Variants in MOB3B observed in about 807,000 individuals in gnomAD.
MOB3B encodes the protein MOB kinase activator 3B, also known as MOB kinase activator-like 2B.
In MOB3B, 7 loss-of-function variants were observed where a neutral mutation model predicts 18.7. The ratio of observed to expected loss-of-function variants is 0.37; its 90% CI spans 0.21 to 0.70. MOB3B has a LOEUF of 0.70. MOB3B is among the 30% of genes least tolerant of loss of function. MOB3B has a pLI of 0.52. For synonymous variants in MOB3B, 111 were observed against 99.9 expected (o/e 1.11, Z -0.66); for missense variants, 253 against 281.3 (o/e 0.90, Z 0.72).
At chr9:27,344,123 T>C (rs1317971965) in intron 3 of MOB3B, among the ~76,000 whole-genome samples, 1 of 152,024 alleles carries the variant, frequency 6.6e-6, no homozygotes, top group African/African-American at 2.4e-5. Context: ...AAAACATAGC[T>C]ATCCATTTTA....
chr9:27,411,239 G>A (rs1442484627), intron 2 of MOB3B, among the ~76,000 whole-genome samples: 2 of 152,198 alleles, frequency 1.3e-5, no homozygotes, highest in Non-Finnish European at 2.9e-5. Flanking sequence ...TCTGAAATCT[G>A]TACCTGAGAA....
At chr9:27,524,113 A>G (rs1166580754) in intron 1 of MOB3B, among the ~76,000 whole-genome samples, 1 of 148,470 alleles carries the variant, frequency 6.7e-6, no homozygotes, top group African/African-American at 2.5e-5. Flanking sequence ...GGAAAAAAAA[A>G]AGTTATCACT....
chr9:27,425,688 AC>A (rs927398058), intron 2 of MOB3B, among the ~76,000 whole-genome samples: 28 of 152,200 alleles, frequency 1.8e-4, no homozygotes, highest in Non-Finnish European at 3.8e-4. Context: ...TATATTTATA[AC>A]CCAAAGTCCA....
intron 2 of MOB3B, among the ~76,000 whole-genome samples, chr9:27,367,083 C>T (rs1014426871): frequency 1.3e-5 from 2 of 152,174 alleles, no homozygotes; most frequent in African/African-American, 2.4e-5. Context: ...TCCTTAGTGA[C>T]GTCTCCTTAG....
chr9:27,366,320 G>A (rs1231403000), intron 2 of MOB3B, among the ~76,000 whole-genome samples: 1 of 152,084 alleles, frequency 6.6e-6, no homozygotes, highest in Non-Finnish European at 1.5e-5. Flanking sequence ...TTTCATCTCT[G>A]CCTTAGGAAA....
chr9:27,511,472 A>G (rs771648559), intron 1 of MOB3B, among the ~76,000 whole-genome samples: 1 of 152,208 alleles, frequency 6.6e-6, no homozygotes, highest in Non-Finnish European at 1.5e-5. Context: ...TGCCCAGTTC[A>G]GCATCAGCTG....
chr9:27,430,262 G>A (rs1440432131), intron 2 of MOB3B, among the ~76,000 whole-genome samples: 1 of 152,168 alleles, frequency 6.6e-6, no homozygotes, highest in African/African-American at 2.4e-5. Flanking sequence ...TTCCTGTGCT[G>A]CAGGGATGGT....
chr9:27,384,077 G>T (rs116955125), intron 2 of MOB3B, among the ~76,000 whole-genome samples: 3,198 of 152,156 alleles, frequency 0.021, 51 homozygotes, highest in Non-Finnish European at 0.034. Context: ...CTTAGCCACA[G>T]AATCCTTTTC....
At chr9:27,414,365 C>A (rs1297646245) in intron 2 of MOB3B, among the ~76,000 whole-genome samples, 1 of 152,144 alleles carries the variant, frequency 6.6e-6, no homozygotes, top group African/African-American at 2.4e-5. Flanking sequence ...GCTGTGAACC[C>A]GGGGGGCTCG....
chr9:27,483,366 TTG>T (rs1819691059), intron 1 of MOB3B, among the ~76,000 whole-genome samples: 1 of 152,064 alleles, frequency 6.6e-6, no homozygotes, highest in South Asian at 2.1e-4. Context: ...TCTCCTGACT[TTG>T]TGATCCGCCC....
In MOB3B at chr9:27,328,668, C is replaced by G. The variant is rs542210357; in HGVS notation, c.*1919G>C. On this transcript the variant is annotated 3_prime_UTR_variant, in exon 4 of 4. Transcript: ENST00000262244. ...AAATCCTGTGGCGTTCCATGATGCA[C>G]AGCTACAGAGTTCCTCCAGGGCATG... 6 of 152,324 alleles carry G rather than the reference C, an allele frequency of 3.9e-5. No individual in the cohort carries two copies. In the South Asian group the frequency reaches 1.2e-3, roughly 32 times the overall value. 9.4% of individuals were successfully genotyped at this position (152,324 alleles called of 1,614,324 possible).
At chr9:27,509,617 A>G (rs945913498) in intron 1 of MOB3B, among the ~76,000 whole-genome samples, 3 of 151,368 alleles carry the variant, frequency 2.0e-5, no homozygotes, top group Non-Finnish European at 2.9e-5. Context: ...AGTTTTCACC[A>G]TGTTGTCCAG....
chr9:27,362,481 A>G (rs1339136518), intron 2 of MOB3B, among the ~76,000 whole-genome samples: 2 of 152,064 alleles, frequency 1.3e-5, no homozygotes, highest in Non-Finnish European at 2.9e-5. Context: ...ATTATTTCCC[A>G]CCTGAACTCC....
At chr9:27,455,831 G>C (rs1177620907) in intron 1 of MOB3B, 83 bp from the exon 2 acceptor site, 2 of 1,308,616 alleles carry the variant, frequency 1.5e-6, no homozygotes, top group Admixed American at 3.4e-5. Context: ...TTTCCACCTT[G>C]TGTTCTTGGC....
intron 2 of MOB3B, among the ~76,000 whole-genome samples, chr9:27,440,280 T>TG (rs1427075892): frequency 1.3e-5 from 2 of 152,184 alleles, no homozygotes; most frequent in African/African-American, 4.8e-5. Context: ...GCCCTTGTCA[T>TG]GGGGCTCAGT....
At chr9:27,426,072 T>C (rs4879484) in intron 2 of MOB3B, among the ~76,000 whole-genome samples, 7,613 of 152,224 alleles carry the variant, frequency 0.05, 525 homozygotes, top group African/African-American at 0.16. Context: ...CCTTTAAATA[T>C]ATGGTTTCAT....
chr9:27,472,247 G>T (rs1302913216), intron 1 of MOB3B, among the ~76,000 whole-genome samples: 1 of 150,654 alleles, frequency 6.6e-6, no homozygotes, highest in African/African-American at 2.4e-5. Context: ...GACAAGTAAG[G>T]GTGACACCAC....
intron 3 of MOB3B, among the ~76,000 whole-genome samples, chr9:27,347,514 C>A (rs34811705): frequency 0.031 from 4,685 of 152,302 alleles, 146 homozygotes; most frequent in East Asian, 0.092. Flanking sequence ...GAAGTGCAGT[C>A]TTGGGGGATG....
At chr9:27,414,709 C>T (rs1032265186) in intron 2 of MOB3B, among the ~76,000 whole-genome samples, 10 of 152,132 alleles carry the variant, frequency 6.6e-5, no homozygotes, top group Admixed American at 6.5e-4. Flanking sequence ...GTGACACGGT[C>T]ATGAGGTTTT....
Sources: gnomAD v4.1 joint callset for allele counts (sites outside exome capture counted in the v4.1 genomes callset) on GRCh38, gnomAD v4.1.1 for gene constraint, MANE v1.5 for transcripts, NCBI Gene and HGNC (gene_info 2026-07-23, HGNC 2026-07-21) for gene names.